The following PCSK5 variants were observed in gnomAD, a reference collection of about 807,000 sequenced individuals.
PCSK5 encodes prohormone convertase 5.
In PCSK5, 129 loss-of-function variants were observed where a neutral mutation model predicts 233.2. That is an observed-to-expected ratio of 0.55 (90% CI 0.48 to 0.64). PCSK5 has a LOEUF of 0.64. Ranked by LOEUF, PCSK5 falls within the 30% of genes least tolerant of loss-of-function variation. The probability of loss-of-function intolerance (pLI) is 0.00; values close to 1 mark genes in which losing one functional copy is unlikely to be tolerated. For synonymous variants in PCSK5, 825 were observed against 879.2 expected, an observed-to-expected ratio of 0.94 and a Z score of 1.09; for missense variants, 2,076 against 2,430.1, an observed-to-expected ratio of 0.85 and a Z score of 3.06.
intron 8 of PCSK5, among the ~76,000 whole-genome samples, chr9:76,101,746 G>T (rs552903184): frequency 1.3e-5 from 2 of 152,252 alleles, no homozygotes; most frequent in South Asian, 2.1e-4. Flanking sequence ...GCTGCCTGGG[G>T]TATCTCAGAG....
In PCSK5 at chr9:76,361,727, T is replaced by C. The variant is rs1830434539; in HGVS notation, c.*2805T>C. On this transcript the variant is annotated 3_prime_UTR_variant, in exon 38 of 38. Coordinates refer to ENST00000674117, the MANE Select transcript of PCSK5 (RefSeq NM_001372043.1). The stretch of plus-strand genomic sequence containing the variant: ...CAAAATAAATAAATAACATTATCTC[T>C]TCAAAATGTATCTGAAGCCCTGATA... 1 of 152,206 alleles carries C rather than the reference T, an allele frequency of 6.6e-6. No homozygotes were observed. Among genetic ancestry groups the C allele is most frequent in the African/African-American group, 2.4e-5 (1 of 41,448 alleles). The allele number at this position is 152,206 out of a possible 1,614,324, so 9.4% of individuals were successfully genotyped here. A position where few individuals can be genotyped will look rare whatever the true frequency, so the allele number is the denominator to read the frequency against.
intron 2 of PCSK5, among the ~76,000 whole-genome samples, chr9:75,969,449 C>T (rs895945819): frequency 6.6e-6 from 1 of 152,112 alleles, no homozygotes; most frequent in African/African-American, 2.4e-5. Context: ...TCCCTGGACC[C>T]CTGGAGTCAA....
At chr9:76,158,501 G>T (rs1822703231) in intron 11 of PCSK5, among the ~76,000 whole-genome samples, 1 of 152,122 alleles carries the variant, frequency 6.6e-6, no homozygotes, top group Non-Finnish European at 1.5e-5. Flanking sequence ...TAGACAAGAG[G>T]GAAGAATGTG....
chr9:76,060,609 C>T (rs1829993580), intron 5 of PCSK5, among the ~76,000 whole-genome samples: 1 of 152,064 alleles, frequency 6.6e-6, no homozygotes, highest in Admixed American at 6.6e-5. Context: ...AAATTACTAA[C>T]TAATTAATTT....
At chr9:75,935,818 A>T (rs1369202112) in intron 2 of PCSK5, among the ~76,000 whole-genome samples, 1 of 152,174 alleles carries the variant, frequency 6.6e-6, no homozygotes, top group Non-Finnish European at 1.5e-5. Context: ...CAGAGAAGTG[A>T]TGTGTTCTTC....
At chr9:76,189,916 T>G (rs1419156585) in intron 20 of PCSK5, among the ~76,000 whole-genome samples, 170 bp downstream of exon 20, 1 of 152,244 alleles carries the variant, frequency 6.6e-6, no homozygotes, top group Non-Finnish European at 1.5e-5. Flanking sequence ...ATGGATTTGT[T>G]TGAATTGCAA....
intron 6 of PCSK5, among the ~76,000 whole-genome samples, chr9:76,070,604 T>C: frequency 6.6e-6 from 1 of 152,224 alleles, no homozygotes; most frequent in East Asian, 1.9e-4. Context: ...GACAAAATGT[T>C]AACAGTTATT....
chr9:75,918,710 G>T (rs1227045061), intron 1 of PCSK5, among the ~76,000 whole-genome samples: 1 of 152,130 alleles, frequency 6.6e-6, no homozygotes, highest in Non-Finnish European at 1.5e-5. Flanking sequence ...TAGAAATGCT[G>T]AAATATTTCA....
chr9:76,281,846 G>A (rs1827875853), intron 24 of PCSK5, among the ~76,000 whole-genome samples: 1 of 151,906 alleles, frequency 6.6e-6, no homozygotes, highest in African/African-American at 2.4e-5. Flanking sequence ...ATGGGGTTTT[G>A]CCACGTTGCC....
chr9:76,018,396 A>G (rs1369539507), intron 3 of PCSK5, among the ~76,000 whole-genome samples: 2 of 152,186 alleles, frequency 1.3e-5, no homozygotes, highest in African/African-American at 4.8e-5. Flanking sequence ...GCACAGCAGG[A>G]CTTGAGTGGC....
intron 1 of PCSK5, among the ~76,000 whole-genome samples, chr9:75,909,281 G>A (rs907206610): frequency 5.3e-5 from 8 of 151,740 alleles, no homozygotes; most frequent in Admixed American, 1.3e-4. Context: ...AGCCAAGATC[G>A]CGCCACTGCA....
intron 1 of PCSK5, among the ~76,000 whole-genome samples, chr9:75,902,556 C>T (rs1826089318): frequency 6.6e-6 from 1 of 152,138 alleles, no homozygotes; most frequent in African/African-American, 2.4e-5. Context: ...AGTTGTTCTG[C>T]TCAATGATAA....
chr9:76,239,198 C>A, intron 23 of PCSK5, 33 bp downstream of exon 23: 1 of 1,515,512 alleles, frequency 6.6e-7, no homozygotes, highest in South Asian at 1.2e-5. Flanking sequence ...GCCCAGCACC[C>A]GAACATGGGA....
chr9:76,025,957 A>G (rs10869679), intron 4 of PCSK5, among the ~76,000 whole-genome samples: 19,237 of 152,028 alleles, frequency 0.13, 1,365 homozygotes, highest in East Asian at 0.27. Flanking sequence ...AAAAAAAATA[A>G]CTGGGTGTGA....
Position 76,191,144 on chromosome 9 carries a change from ATTGTTTAAACTAT to A in PCSK5, c.2626+1413_2626+1425del, listed in dbSNP as rs1404391596. 1.1e-4 allele frequency among the ~76,000 whole-genome samples: 17 copies of A among 152,370 alleles called. No individual in the cohort carries two copies. In the East Asian group the frequency reaches 2.1e-3, roughly 19 times the overall value. On this transcript the variant is annotated intron_variant, in intron 20 of 37. Transcript: ENST00000674117. ...GATATTACATGCCAATGATGTAGAA[ATTGTTTAAACTAT>A]TTGTTTAAACTATTGTTGTTCAAAA...
intron 20 of PCSK5, among the ~76,000 whole-genome samples, chr9:76,191,001 C>T (rs969911030): frequency 6.6e-6 from 1 of 152,160 alleles, no homozygotes; most frequent in Non-Finnish European, 1.5e-5. Flanking sequence ...GCCTCAGTTT[C>T]CCCATCTGTA....
intron 10 of PCSK5, among the ~76,000 whole-genome samples, chr9:76,135,197 A>G (rs1165377117): frequency 6.6e-6 from 1 of 152,092 alleles, no homozygotes; most frequent in Non-Finnish European, 1.5e-5. Context: ...TTTGGATGCT[A>G]AGTAATATTA....
chr9:76,307,479 A>G (rs931772093), intron 28 of PCSK5, among the ~76,000 whole-genome samples: 1 of 152,144 alleles, frequency 6.6e-6, no homozygotes, highest in African/African-American at 2.4e-5. Flanking sequence ...CAAGGTCTCC[A>G]TATGTATTGA....
intron 1 of PCSK5, among the ~76,000 whole-genome samples, chr9:75,898,832 A>G (rs1008414389): frequency 8.5e-5 from 13 of 152,222 alleles, no homozygotes; most frequent in African/African-American, 2.9e-4. Context: ...TCTACCATGT[A>G]ACATACAGAT....
Sources: allele counts gnomAD v4.1 joint callset (sites outside exome capture counted in the v4.1 genomes callset), GRCh38; gene constraint gnomAD v4.1.1; transcripts MANE v1.5; gene names NCBI Gene and HGNC (gene_info 2026-07-23, HGNC 2026-07-21).